NFAT5: variants seen among roughly 807,000 people sequenced by gnomAD.
NFAT5 encodes nuclear factor of activated T-cells 5.
In NFAT5, 31 loss-of-function variants were observed where a neutral mutation model predicts 166.5. The observed-to-expected ratio is 0.19, with a 90% CI of 0.14 to 0.25. The LOEUF is 0.25. Among genes scored for constraint, NFAT5 ranks in the 10% least tolerant of loss-of-function variants. The pLI is 1.00. For synonymous variants in NFAT5, 612 were observed against 639.7 expected (o/e 0.96, Z 0.65); for missense variants, 1,449 against 1,821.8 (o/e 0.80, Z 3.72).
intron 2 of NFAT5, among the ~76,000 whole-genome samples, chr16:69,574,279 G>C (rs1393378522): frequency 6.6e-6 from 1 of 152,160 alleles, no homozygotes. Context: ...ATAGGATATA[G>C]ACCTTTTAAC....
chr16:69,638,248 CAAAA>C (rs1398665536), intron 3 of NFAT5, among the ~76,000 whole-genome samples: 1 of 151,620 alleles, frequency 6.6e-6, no homozygotes, highest in South Asian at 2.1e-4. Context: ...ACAACAAAAA[CAAAA>C]AACAAAAAAA....
chr16:69,692,010 T>C lies in NFAT5; in HGVS notation c.2185T>C (p.Phe729Leu), dbSNP rs1409144767. ...SDALLQQATQFQTRETQSREI... is the reference protein window; with the variant it reads ...SDALLQQATQLQTRETQSREI... ...TGCACTATTGCAGCAGGCTACACAG[T>C]TTCAGACAAGAGAAACTCAGTCTAG... Residue 729 changes from phenylalanine to leucine, a missense_variant, in exon 13 of 15, where the codon TTT becomes CTT. By Grantham distance (22) the Phe-to-Leu change is conservative. This residue lies in a region of NFAT5 where 891 missense variants were observed against 993.0 expected (regional missense o/e 0.90). Transcript: ENST00000349945. 6.2e-7 allele frequency: 1 copy of C among 1,614,160 alleles called. No homozygotes were observed. Among genetic ancestry groups the C allele is most frequent in the East Asian group, 2.2e-5 (1 of 44,878 alleles).
intron 2 of NFAT5, among the ~76,000 whole-genome samples, chr16:69,587,944 CTTTTTTT>C (rs61460423): frequency 4.4e-5 from 3 of 68,250 alleles, no homozygotes; most frequent in Non-Finnish European, 5.8e-5. Flanking sequence ...ATAGTGCTTT[CTTTTTTT>C]TTTTTTTTTT....
rs114852412 is a variant in NFAT5 at position 69,638,947 on chromosome 16, C to T, written c.254-8081C>T. On this transcript the variant is annotated intron_variant, in intron 3 of 14. Transcript: ENST00000349945. ...TATCTTTCAGTAGTTCAGTGTTTGT[C>T]TCTGTCTCTCTCTCTTTTTAGCCTA... Among the ~76,000 whole-genome samples the T allele has an allele frequency of 8.7e-3, 1,329 of 152,006 alleles. 18 individuals are homozygous for T. The highest frequency in any genetic ancestry group is 0.031 in the African/African-American group (1,272 of 41,462).
intron 2 of NFAT5, among the ~76,000 whole-genome samples, chr16:69,624,121 A>ACATTATATTCT (rs2034333815): frequency 4.6e-5 from 7 of 152,198 alleles, no homozygotes. Context: ...ATATTCTGAC[A>ACATTATATTCT]GATGCTGAAT....
At chr16:69,681,836 T>C (rs2037071978) in intron 10 of NFAT5, among the ~76,000 whole-genome samples, 1 of 148,952 alleles carries the variant, frequency 6.7e-6, no homozygotes, top group Admixed American at 6.8e-5. Flanking sequence ...GAGAATGGCA[T>C]GAACCCGGGA....
chr16:69,648,685 G>A (rs2035550033), intron 4 of NFAT5: 2 of 965,610 alleles, frequency 2.1e-6, no homozygotes, highest in Admixed American at 6.2e-5. Flanking sequence ...TTTTAAATTA[G>A]ATTTTTGTAT....
Position 69,566,256 on chromosome 16 carries a change from G to A in NFAT5, c.-46G>A. Reference sequence around the variant, plus strand: ...GAGAGGAGGTGCCGCCGCCACCGCCGCTCCCCCCCTCCCGCTGCCCTCGGG... The same window carrying A: ...GAGAGGAGGTGCCGCCGCCACCGCCACTCCCCCCCTCCCGCTGCCCTCGGG... On this transcript the variant is annotated 5_prime_UTR_variant, in exon 1 of 15. Coordinates refer to ENST00000349945, the MANE Select transcript of NFAT5 (RefSeq NM_138713.4). The surrounding 1 kb of genome is among the most constrained non-coding windows in gnomAD (Gnocchi z 5.7). 3 of 1,562,054 alleles carry A rather than the reference G, an allele frequency of 1.9e-6. No individual in the cohort carries two copies. Among genetic ancestry groups the A allele is most frequent in the Non-Finnish European group, 2.6e-6 (3 of 1,151,292 alleles).
At chr16:69,579,550 ATACT>A (rs1235895850) in intron 2 of NFAT5, among the ~76,000 whole-genome samples, 8 of 152,330 alleles carry the variant, frequency 5.3e-5, no homozygotes, top group East Asian at 3.9e-4. Flanking sequence ...TACAAACAAC[ATACT>A]TACAGTGTAA....
chr16:69,648,877 T>TA, intron 4 of NFAT5: 2 of 923,980 alleles, frequency 2.2e-6, no homozygotes, highest in Non-Finnish European at 2.6e-6. Flanking sequence ...AATATATATT[T>TA]AACTTGCCCT....
Position 69,659,748 on chromosome 16 carries a change from G to C in NFAT5, c.1218G>C (p.Leu406Phe). Residue 406 changes from leucine to phenylalanine, a missense_variant, in exon 7 of 15, where the codon TTG becomes TTC. Physicochemically the swap from Leu to Phe is conservative, Grantham distance 22. Around this residue, in one of 7 missense-constraint regions of NFAT5, gnomAD observed 245 missense variants for 366.6 expected, o/e 0.67. Transcript: ENST00000349945. ...TTAGGGTGGACTGCGTAGGGATATT[G>C]AAATTGAGGAATGCTGATGTCGAAG... ...MTLAVDCVGI[L>F]KLRNADVEAR... The C allele has an allele frequency of 6.2e-7, 1 of 1,613,596 alleles. No homozygotes were observed. Among genetic ancestry groups the C allele is most frequent in the Non-Finnish European group, 8.5e-7 (1 of 1,179,772 alleles).
chr16:69,609,035 A>G (rs1001705506), intron 2 of NFAT5, among the ~76,000 whole-genome samples: 1 of 151,186 alleles, frequency 6.6e-6, no homozygotes, highest in East Asian at 2.0e-4. Flanking sequence ...GCAGGAGAAT[A>G]GTGTGAACCC....
rs774696559 is a variant in NFAT5 at position 69,626,450 on chromosome 16, A to G, written c.175A>G (p.Arg59Gly). ...LPKELQLPPS[R>G]ETSVASMSQT... ...AAAGGAGTTACAGTTACCTCCATCT[A>G]GAGAAACATCTGTAGCATCAATGAG... is the stretch of plus-strand genomic sequence containing the variant. The change falls in exon 3 of 15, where the codon AGA becomes GGA. Residue 59 changes from arginine (R) to glycine (G), a missense_variant. Around this residue, in one of 7 missense-constraint regions of NFAT5, gnomAD observed 172 missense variants for 194.5 expected, o/e 0.88. Transcript: ENST00000349945. 4.3e-5 allele frequency: 69 copies of G among 1,595,234 alleles called. No homozygotes were observed. The highest frequency in any genetic ancestry group is 5.4e-5 in the Non-Finnish European group (63 of 1,171,234).
intron 7 of NFAT5, among the ~76,000 whole-genome samples, chr16:69,664,855 C>A (rs1419793284): frequency 1.3e-5 from 2 of 152,032 alleles, no homozygotes; most frequent in East Asian, 3.9e-4. Context: ...TGGAGAAAAC[C>A]CATCTCTGCT....
chr16:69,633,979 T>TA (rs1226190164), intron 3 of NFAT5, among the ~76,000 whole-genome samples: 3 of 151,798 alleles, frequency 2.0e-5, no homozygotes, highest in Non-Finnish European at 4.4e-5. Context: ...AAAATAAAAT[T>TA]AAAAAAATCA....
At chr16:69,623,390 C>T (rs192597724) in intron 2 of NFAT5, among the ~76,000 whole-genome samples, 25 of 151,046 alleles carry the variant, frequency 1.7e-4, no homozygotes, top group African/African-American at 5.1e-4. Flanking sequence ...TGCAGTGGCA[C>T]GATCTCGACT....
chr16:69,611,922 AT>A (rs1316611472), intron 2 of NFAT5, among the ~76,000 whole-genome samples: 2 of 152,238 alleles, frequency 1.3e-5, no homozygotes, highest in African/African-American at 2.4e-5. Flanking sequence ...TTGTTGATGT[AT>A]CCCCAGCCTG....
Position 69,697,584 on chromosome 16 carries a change from C to G in NFAT5, c.*1233C>G, listed in dbSNP as rs1313133958. 1 of 152,630 alleles carries G rather than the reference C, an allele frequency of 6.6e-6. No homozygotes were observed. The highest frequency in any genetic ancestry group is 2.4e-5 in the African/African-American group (1 of 41,440). The allele number at this position is 152,630 out of a possible 1,614,324, so 9.5% of individuals were successfully genotyped here. ...GTGGTCACTTACCTGATGGTTCCCA[C>G]AAGCCTTAGGCTTTACAGGGTTGTA... On this transcript the variant is annotated 3_prime_UTR_variant, in exon 15 of 15. Transcript: ENST00000349945.
At chr16:69,633,439 AT>A (rs2034807395) in intron 3 of NFAT5, among the ~76,000 whole-genome samples, 1 of 152,202 alleles carries the variant, frequency 6.6e-6, no homozygotes, top group African/African-American at 2.4e-5. Context: ...TTTATAACTA[AT>A]TGTTTTATAA....
Sources: gnomAD v4.1 joint callset for allele counts (sites outside exome capture counted in the v4.1 genomes callset) on GRCh38, gnomAD v4.1.1 for gene constraint, gnomAD v4.1.1 regional missense constraint, Gnocchi (gnomAD v3.1) non-coding constraint, MANE v1.5 for transcripts, NCBI Gene and HGNC (gene_info 2026-07-23, HGNC 2026-07-21) for gene names.